TAF2: variants seen among roughly 807,000 people sequenced by gnomAD.
TAF2 encodes the protein transcription initiation factor TFIID subunit 2.
TAF2 carries 61 observed loss-of-function variants against 138.5 expected under a neutral mutation model. The observed-to-expected ratio is 0.44, with a 90% CI of 0.36 to 0.54. TAF2 has a LOEUF of 0.54. Among genes scored for constraint, TAF2 ranks in the 20% least tolerant of loss-of-function variants. TAF2 has a pLI of 0.00. For missense variants in TAF2, 1,090 were observed against 1,427.9 expected (o/e 0.76, Z 3.81); for synonymous variants, 475 against 469.9 (o/e 1.01, Z -0.14).
Position 119,778,022 on chromosome 8 carries a change from A to AT in TAF2, c.2360dup (p.Asn787LysfsTer2), listed in dbSNP as rs750687545. 6.7e-7 allele frequency: 1 copy of AT among 1,499,654 alleles called. No individual in the cohort carries two copies. Among genetic ancestry groups the AT allele is most frequent in the Non-Finnish European group, 9.2e-7 (1 of 1,083,988 alleles). 92.9% of individuals were successfully genotyped at this position (1,499,654 alleles called of 1,614,324 possible). On this transcript the variant is annotated frameshift_variant, in exon 18 of 26. Transcript: ENST00000378164. LOFTEE classifies it high-confidence loss of function. ...TTTAAAAATAAAAGTACCTCACCTT[A>AT]TTTTTCCTGTTGTCATTGTACTTGA...
At chr8:119,763,693 G>A (rs1291472617) in intron 18 of TAF2, among the ~76,000 whole-genome samples, 1 of 152,112 alleles carries the variant, frequency 6.6e-6, no homozygotes, top group Non-Finnish European at 1.5e-5. Flanking sequence ...TTGCACCACT[G>A]TACTCCAGCC....
chr8:119,795,893 C>A (rs1466774649), intron 8 of TAF2, among the ~76,000 whole-genome samples: 3 of 152,076 alleles, frequency 2.0e-5, no homozygotes, highest in East Asian at 3.9e-4. Flanking sequence ...AGTACATGCT[C>A]TACTCTGACA....
At position 119,831,501 on chromosome 8, in the gene TAF2, G is replaced by C. The variant is rs139850710; in HGVS notation, c.138+176C>G. On this transcript the variant is annotated intron_variant, in intron 2 of 25. Coordinates refer to ENST00000378164, the MANE Select transcript of TAF2 (RefSeq NM_003184.4). ...GAAAGGGAGAATTTGGGAGGCAATAGGTATTAATAGAAGGACCATGGAACT... is the reference window on the plus strand; with the variant it reads ...GAAAGGGAGAATTTGGGAGGCAATACGTATTAATAGAAGGACCATGGAACT... Among the ~76,000 whole-genome samples, 11 of 152,144 alleles carry C rather than the reference G, an allele frequency of 7.2e-5. No individual in the cohort carries two copies. The East Asian group carries it at 1.5e-3, about 21-fold the overall frequency.
chr8:119,801,693 G>A, intron 6 of TAF2, 101 bp downstream of exon 6: 2 of 1,154,262 alleles, frequency 1.7e-6, no homozygotes, highest in Admixed American at 1.8e-5. Flanking sequence ...CTCCCAAAGT[G>A]CTGGGATTAC....
In TAF2 at chr8:119,804,580, CTT is replaced by C. The variant is rs912022754; in HGVS notation, c.419-563_419-562del. Among the ~76,000 whole-genome samples the C allele has an allele frequency of 1.6e-4, 24 of 152,200 alleles. 1 individual carries two copies. The highest frequency in any genetic ancestry group is 5.8e-4 in the African/African-American group (24 of 41,480). On this transcript the variant is annotated intron_variant, in intron 4 of 25. Transcript: ENST00000378164. The stretch of plus-strand genomic sequence containing the variant: ...TGCCCTGCACAAGCTCTCTCTCTCT[CTT>C]TTTGCTGGCAGCCATCTGCATAAGA...
chr8:119,805,037 G>A (rs558733389), intron 4 of TAF2, among the ~76,000 whole-genome samples: 21 of 152,112 alleles, frequency 1.4e-4, no homozygotes, highest in African/African-American at 4.3e-4. Flanking sequence ...ACCCTACCCC[G>A]TCCCCAGCAC....
chr8:119,813,155 G>A (rs1366684886), intron 3 of TAF2, among the ~76,000 whole-genome samples: 1 of 152,124 alleles, frequency 6.6e-6, no homozygotes, highest in Non-Finnish European at 1.5e-5. Flanking sequence ...CTGGGATAAG[G>A]TGTATGTCAT....
chr8:119,786,201 A>T (rs1321490425), intron 14 of TAF2, among the ~76,000 whole-genome samples: 1 of 152,202 alleles, frequency 6.6e-6, no homozygotes, highest in East Asian at 1.9e-4. Flanking sequence ...GTAAATGAAG[A>T]ATATATTAAA....
chr8:119,766,255 T>C (rs944868787), intron 18 of TAF2, among the ~76,000 whole-genome samples: 4 of 152,160 alleles, frequency 2.6e-5, no homozygotes, highest in African/African-American at 7.2e-5. Flanking sequence ...TTTCTGGCAA[T>C]GTCTAGAGAG....
Position 119,789,026 on chromosome 8 carries a change from A to C in TAF2, c.1569-122T>G, listed in dbSNP as rs554240711. The C allele has an allele frequency of 1.9e-5, 13 of 699,896 alleles. No individual in the cohort carries two copies. The South Asian group carries it at 2.1e-4, about 11-fold the overall frequency. 43.4% of individuals were successfully genotyped at this position (699,896 alleles called of 1,614,324 possible). ...CCACCAGTTCAAAGTTTGAGAGCAT[A>C]CGCTACAGTAAACCAGGTGGCAAAG... On this transcript the variant is annotated intron_variant, in intron 12 of 25. Transcript: ENST00000378164.
In TAF2 at chr8:119,737,080, T is replaced by C. The variant is rs1040123836; in HGVS notation, c.3338-4894A>G. On this transcript the variant is annotated intron_variant, in intron 25 of 25. Transcript: ENST00000378164. ...AGAAAAGAGGTATGAACTGGAAATG[T>C]TAGATTCAAAAAGATACAAAGGCTA... 2.6e-5 allele frequency among the ~76,000 whole-genome samples: 4 copies of C among 152,166 alleles called. No individual in the cohort carries two copies. The East Asian group carries it at 5.8e-4, about 22-fold the overall frequency.
At chr8:119,812,287 A>G (rs1480540247) in intron 3 of TAF2, among the ~76,000 whole-genome samples, 2 of 152,046 alleles carry the variant, frequency 1.3e-5, no homozygotes, top group Non-Finnish European at 2.9e-5. Context: ...GCATTAATAG[A>G]TAGCTCAAGA....
At chr8:119,780,492 G>A (rs1822564906) in intron 17 of TAF2, among the ~76,000 whole-genome samples, 3 of 152,250 alleles carry the variant, frequency 2.0e-5, no homozygotes, top group South Asian at 4.1e-4. Flanking sequence ...CAATCGAAGG[G>A]CTTACTCACT....
chr8:119,817,855 C>G (rs190542057), intron 3 of TAF2, among the ~76,000 whole-genome samples: 1 of 152,308 alleles, frequency 6.6e-6, no homozygotes, highest in East Asian at 1.9e-4. Flanking sequence ...TGTATACTAA[C>G]TTCCCCAAAG....
chr8:119,783,804 A>C (rs1305010864), intron 15 of TAF2, among the ~76,000 whole-genome samples, 171 bp from the exon 16 acceptor site: 2 of 152,162 alleles, frequency 1.3e-5, no homozygotes, highest in Admixed American at 1.3e-4. Context: ...CAAATTTCTC[A>C]TTATGTTTAA....
intron 4 of TAF2, 79 bp downstream of exon 4, chr8:119,806,204 T>C (rs1274527394): frequency 8.4e-7 from 1 of 1,190,424 alleles, no homozygotes; most frequent in Non-Finnish European, 1.2e-6. Context: ...GCCTGCATCA[T>C]TAGTTCTCAT....
In TAF2 at chr8:119,762,435, G is replaced by A; in HGVS notation, c.2538C>T (p.Tyr846=). 1 of 1,613,898 alleles carries A rather than the reference G, an allele frequency of 6.2e-7. No homozygotes were observed. Residue 846 remains tyrosine (Y), a synonymous_variant, in exon 19 of 26, where the codon TAC becomes TAT. Transcript: ENST00000378164. ...FLNMEKLLPS[Y]RHTITVSCLR... is the part of the protein sequence containing the mutation. Reference sequence around the variant, plus strand: ...CATACCTGACAGTGATGGTATGCCTGTAACTCGGAAGAAGTTTTTCCATAT... The same window carrying A: ...CATACCTGACAGTGATGGTATGCCTATAACTCGGAAGAAGTTTTTCCATAT...
At position 119,797,679 on chromosome 8, in the gene TAF2, A is replaced by G. The variant is rs1252708421; in HGVS notation, c.960T>C (p.Ala320=). The G allele has an allele frequency of 6.2e-7, 1 of 1,613,260 alleles. No homozygotes were observed. The highest frequency in any genetic ancestry group is 1.7e-5 in the Admixed American group (1 of 60,000). The change falls in exon 7 of 26, where the codon GCT becomes GCC. Residue 320 remains alanine (A), a synonymous_variant. Transcript: ENST00000378164. The part of the protein sequence containing the change: ...DEAYVEVAAY[A]SMSIFSTNLL... ...ATACCAACCTAAAAATGCTCATGGA[A>G]GCATAAGCAGCCACTTCAACATAAG...
intron 6 of TAF2, 73 bp downstream of exon 6, chr8:119,801,721 C>A (rs1824278090): frequency 3.4e-6 from 5 of 1,458,620 alleles, no homozygotes; most frequent in Non-Finnish European, 4.8e-6. Context: ...AGCCACCGTG[C>A]CTTGCCAATA....
Sources: allele counts gnomAD v4.1 joint callset (sites outside exome capture counted in the v4.1 genomes callset), GRCh38; gene constraint gnomAD v4.1.1; transcripts MANE v1.5; gene names NCBI Gene and HGNC (gene_info 2026-07-23, HGNC 2026-07-21).